Variants in CHTF8 observed in about 807,000 individuals in gnomAD.
CHTF8 encodes the protein chromosome transmission fidelity protein 8 homolog.
A neutral mutation model predicts 11.0 loss-of-function variants in CHTF8; 6 were observed. That is an observed-to-expected ratio of 0.55 (90% CI 0.30 to 1.08). The LOEUF (loss-of-function observed/expected upper bound fraction) is 1.08. Among genes scored for constraint, CHTF8 ranks in the 50% least tolerant of loss-of-function variants. The pLI, the probability that CHTF8 is intolerant of heterozygous loss-of-function variation, is 0.07. For missense variants in CHTF8, 140 were observed against 153.1 expected (o/e 0.91, Z 0.45); for synonymous variants, 53 against 60.5 (o/e 0.88, Z 0.57).
rs1243918466 is a variant in CHTF8 at position 69,118,934 on chromosome 16, G to A, written c.*1491C>T. ...GGGAAAGCAGCTGGGTTTGTGCCAG[G>A]GAGGCTCCCCACTCTAGGAAATGGG... On this transcript the variant is annotated 3_prime_UTR_variant, in exon 4 of 4. Transcript: ENST00000448552. The A allele has an allele frequency of 1.4e-6, 1 of 703,060 alleles. No individual in the cohort carries two copies. Among genetic ancestry groups the A allele is most frequent in the Non-Finnish European group, 2.6e-6 (1 of 385,014 alleles). 43.6% of individuals were successfully genotyped at this position (703,060 alleles called of 1,614,324 possible).
rs865884606 is a variant in CHTF8, at chr16:69,120,040, T to C, written c.*385A>G. 1.2e-5 allele frequency: 8 copies of C among 687,108 alleles called. No individual in the cohort carries two copies. Among genetic ancestry groups the C allele is most frequent in the Non-Finnish European group, 2.1e-5 (8 of 378,424 alleles). 42.6% of individuals were successfully genotyped at this position (687,108 alleles called of 1,614,324 possible). On this transcript the variant is annotated 3_prime_UTR_variant, in exon 4 of 4. Transcript: ENST00000448552. The surrounding 1 kb of genome is among the most constrained non-coding windows in gnomAD (Gnocchi z 4.0). ...GCCTGGCAGAGCCCCTGTCCTAGGGTTTAGGGTGGGGCCTGGGCCTGGGCC... is the reference window on the plus strand; with the variant it reads ...GCCTGGCAGAGCCCCTGTCCTAGGGCTTAGGGTGGGGCCTGGGCCTGGGCC...
intron 1 of CHTF8, 40 bp downstream of exon 1, chr16:69,132,444 G>A (rs1302541162): frequency 1.2e-5 from 2 of 173,182 alleles, no homozygotes; most frequent in Non-Finnish European, 2.2e-5. Context: ...CTCGGCCCTC[G>A]CTCCCCGCAG....
At chr16:69,124,976 C>G (rs2152269663) in intron 1 of CHTF8, among the ~76,000 whole-genome samples, 1 of 152,220 alleles carries the variant, frequency 6.6e-6, no homozygotes, top group East Asian at 1.9e-4. Context: ...GCGATCTCGG[C>G]TCACCGCAAC....
chr16:69,130,193 A>G (rs1221254167), intron 1 of CHTF8, among the ~76,000 whole-genome samples: 1 of 152,246 alleles, frequency 6.6e-6, no homozygotes, highest in East Asian at 1.9e-4. Flanking sequence ...AGAAAGTGTG[A>G]TATGTATCCA....
intron 1 of CHTF8, chr16:69,132,180 C>CCCTT (rs1487226647): frequency 6.5e-6 from 1 of 153,636 alleles, no homozygotes; most frequent in Non-Finnish European, 1.4e-5. Flanking sequence ...CCCGCTCGCT[C>CCCTT]CCTTCCTTCC....
intron 1 of CHTF8, among the ~76,000 whole-genome samples, chr16:69,131,854 A>C (rs1597126802): frequency 1.3e-5 from 2 of 150,658 alleles, no homozygotes; most frequent in East Asian, 2.0e-4. Flanking sequence ...CTTCCCTCCC[A>C]CAAAAGAACC....
In CHTF8 at chr16:69,120,300, T is replaced by G. The variant is rs1201568085; in HGVS notation, c.*125A>C. The G allele has an allele frequency of 1.1e-6, 1 of 876,376 alleles. No individual in the cohort carries two copies. The highest frequency in any genetic ancestry group is 1.6e-5 in the African/African-American group (1 of 60,626). The allele number at this position is 876,376 out of a possible 1,614,324, so 54.3% of individuals were successfully genotyped here. A position where few individuals can be genotyped will look rare whatever the true frequency, so the allele number is the denominator to read the frequency against. On this transcript the variant is annotated 3_prime_UTR_variant, in exon 4 of 4. Transcript: ENST00000448552. This position sits in a 1 kb window ranked among gnomAD's most constrained non-coding sequence, Gnocchi z 4.0. ...GGAAGGGATCCGAGTTCACACCCAG[T>G]GGGTGGCCTGTGTTCAGAACAGGAC...
rs374573712 is a variant in CHTF8 at position 69,120,585 on chromosome 16, G to A, written c.206C>T (p.Pro69Leu). ...LYGKIIHLEKPFAVLVKHTPG... is the reference protein window; with the variant it reads ...LYGKIIHLEKLFAVLVKHTPG... ...AGTGTGTTTGACAAGGACTGCAAAAGGTTTCTCCAGGTGGATGATTTTCCC... is the reference window on the plus strand; with the variant it reads ...AGTGTGTTTGACAAGGACTGCAAAAAGTTTCTCCAGGTGGATGATTTTCCC... The change falls in exon 4 of 4, where the codon CCT (proline) becomes CTT (leucine). Residue 69 changes from proline to leucine, a missense_variant. Coordinates refer to ENST00000448552, the MANE Select transcript of CHTF8 (RefSeq NM_001039690.5). This position sits in a 1 kb window ranked among gnomAD's most constrained non-coding sequence, Gnocchi z 4.0. 6.2e-7 allele frequency: 1 copy of A among 1,614,086 alleles called. No individual in the cohort carries two copies. The highest frequency in any genetic ancestry group is 8.5e-7 in the Non-Finnish European group (1 of 1,179,990).
chr16:69,122,822 G>A (rs561341574), intron 1 of CHTF8, among the ~76,000 whole-genome samples: 17 of 150,376 alleles, frequency 1.1e-4, no homozygotes, highest in Admixed American at 2.7e-4. Flanking sequence ...GATTACAGGC[G>A]TGAACCACCG....
In CHTF8 at chr16:69,120,876, C is replaced by A; in HGVS notation, c.141+177G>T. On this transcript the variant is annotated intron_variant, in intron 3 of 3. Transcript: ENST00000448552. This position sits in a 1 kb window ranked among gnomAD's most constrained non-coding sequence, Gnocchi z 4.0. ...AGAAATGTGAGCTTTCCAGATTCCC[C>A]AAAATTAAATTTCCCTGCTACTGCA... is the stretch of plus-strand genomic sequence containing the variant. The A allele has an allele frequency of 1.3e-6, 1 of 763,796 alleles. No homozygotes were observed. Among genetic ancestry groups the A allele is most frequent in the South Asian group, 1.4e-5 (1 of 70,210 alleles). 47.3% of individuals were successfully genotyped at this position (763,796 alleles called of 1,614,324 possible). A position where few individuals can be genotyped will look rare whatever the true frequency, so the allele number is the denominator to read the frequency against.
At chr16:69,129,590 C>A (rs1011251088) in intron 1 of CHTF8, among the ~76,000 whole-genome samples, 4 of 152,138 alleles carry the variant, frequency 2.6e-5, no homozygotes, top group Non-Finnish European at 5.9e-5. Flanking sequence ...CTTCTCACTC[C>A]CATTTCACAA....
intron 1 of CHTF8, among the ~76,000 whole-genome samples, chr16:69,127,364 T>A (rs1424806173): frequency 6.6e-6 from 1 of 151,774 alleles, no homozygotes; most frequent in East Asian, 1.9e-4. Flanking sequence ...CTATTAGAAA[T>A]CACAAGCATA....
At position 69,118,103 on chromosome 16, in the gene CHTF8, A is replaced by C; in HGVS notation, c.*2322T>G. 3 of 522,890 alleles carry C rather than the reference A, an allele frequency of 5.7e-6. No homozygotes were observed. The highest frequency in any genetic ancestry group is 6.8e-5 in the East Asian group (2 of 29,230). 32.4% of individuals were successfully genotyped at this position (522,890 alleles called of 1,614,324 possible). ...TTGCACACCAGGCCGAACAAAGCACAGTGATTTCTTCCCTTCATCCCCCAC... is the reference window on the plus strand; with the variant it reads ...TTGCACACCAGGCCGAACAAAGCACCGTGATTTCTTCCCTTCATCCCCCAC... On this transcript the variant is annotated 3_prime_UTR_variant, in exon 4 of 4. Transcript: ENST00000448552.
At chr16:69,129,779 C>G (rs536232464) in intron 1 of CHTF8, among the ~76,000 whole-genome samples, 121 of 152,194 alleles carry the variant, frequency 8.0e-4, no homozygotes, top group Non-Finnish European at 1.4e-3. Context: ...AAATATTAGC[C>G]TCGTTCTCAC....
chr16:69,125,468 AC>A (rs1463857729), intron 1 of CHTF8, among the ~76,000 whole-genome samples: 1 of 152,238 alleles, frequency 6.6e-6, no homozygotes, highest in Non-Finnish European at 1.5e-5. Flanking sequence ...ACTCATAATC[AC>A]TACACAATTC....
chr16:69,119,304 A>G lies in CHTF8; in HGVS notation c.*1121T>C, dbSNP rs770951435. 3.1e-5 allele frequency: 22 copies of G among 703,002 alleles called. No individual in the cohort carries two copies. Among genetic ancestry groups the G allele is most frequent in the Non-Finnish European group, 4.7e-5 (18 of 385,034 alleles). The allele number at this position is 703,002 out of a possible 1,614,324, so 43.5% of individuals were successfully genotyped here. A position where few individuals can be genotyped will look rare whatever the true frequency, so the allele number is the denominator to read the frequency against. ...TAGCTGGGTTTGATGCCAATGTGCC[A>G]GAAGACTGAGAAAAGGCAGATGAAC... On this transcript the variant is annotated 3_prime_UTR_variant, in exon 4 of 4. Coordinates refer to ENST00000448552, the MANE Select transcript of CHTF8 (RefSeq NM_001039690.5).
In CHTF8 at chr16:69,119,137, G is replaced by C. The variant is rs750969816; in HGVS notation, c.*1288C>G. Reference sequence around the variant, plus strand: ...AACTTGACCAGGGCCTAATGGGCCAGTAGACCTTGGGAAGGTAGTTGGACT... The same window carrying C: ...AACTTGACCAGGGCCTAATGGGCCACTAGACCTTGGGAAGGTAGTTGGACT... On this transcript the variant is annotated 3_prime_UTR_variant, in exon 4 of 4. Coordinates refer to ENST00000448552, the MANE Select transcript of CHTF8 (RefSeq NM_001039690.5). 5.7e-6 allele frequency: 4 copies of C among 703,082 alleles called. No homozygotes were observed. Among genetic ancestry groups the C allele is most frequent in the Non-Finnish European group, 7.8e-6 (3 of 385,030 alleles). 43.6% of individuals were successfully genotyped at this position (703,082 alleles called of 1,614,324 possible). A position where few individuals can be genotyped will look rare whatever the true frequency, so the allele number is the denominator to read the frequency against.
At chr16:69,129,618 G>A (rs1022103628) in intron 1 of CHTF8, among the ~76,000 whole-genome samples, 33 of 152,258 alleles carry the variant, frequency 2.2e-4, no homozygotes, top group African/African-American at 7.7e-4. Flanking sequence ...AACAGGCTTA[G>A]AGGAGCTAAA....
intron 1 of CHTF8, among the ~76,000 whole-genome samples, chr16:69,131,063 T>C (rs1309054520): frequency 1.3e-5 from 2 of 152,234 alleles, no homozygotes; most frequent in Non-Finnish European, 2.9e-5. Flanking sequence ...GACAGGTCTA[T>C]ACTTTTGAAG....
Sources: allele counts gnomAD v4.1 joint callset (sites outside exome capture counted in the v4.1 genomes callset), GRCh38; gene constraint gnomAD v4.1.1; non-coding constraint Gnocchi (gnomAD v3.1); transcripts MANE v1.5; gene names NCBI Gene and HGNC (gene_info 2026-07-23, HGNC 2026-07-21).